MAGI2: variants seen among roughly 807,000 people sequenced by gnomAD.
MAGI2 encodes membrane associated guanylate kinase, WW and PDZ domain containing 2, also known as membrane-associated guanylate kinase, WW and PDZ domain-containing protein 2.
In MAGI2, 35 loss-of-function variants were observed where a neutral mutation model predicts 133.3. That is an observed-to-expected ratio of 0.26 (90% CI 0.20 to 0.35). MAGI2 has a LOEUF of 0.35. Ranked by LOEUF, MAGI2 falls within the 10% of genes least tolerant of loss-of-function variation. The pLI is 1.00. For missense variants in MAGI2, 1,636 were observed against 1,863.4 expected (o/e 0.88, Z 2.25); for synonymous variants, 729 against 710.6 (o/e 1.03, Z -0.41).
rs781523898 is a variant in MAGI2 at position 78,132,938 on chromosome 7, C to G, written c.3154G>C (p.Ala1052Pro). ...AGTGGTTGAGGTGGTGCTGGCTGGG[C>G]GATGGGGCTGTTGGGGGTGGCTGGG... ...PSPATPNSPI[A>P]QPAPPQPLQL... Residue 1052 changes from alanine to proline, a missense_variant, in exon 18 of 22, where the codon GCC (alanine) becomes CCC (proline). Physicochemically the swap from Ala to Pro is conservative, Grantham distance 27. Transcript: ENST00000354212. The G allele has an allele frequency of 6.2e-7, 1 of 1,613,696 alleles. No individual in the cohort carries two copies. The highest frequency in any genetic ancestry group is 8.5e-7 in the Non-Finnish European group (1 of 1,179,868).
intron 3 of MAGI2, among the ~76,000 whole-genome samples, chr7:78,556,249 G>A (rs943218388): frequency 6.6e-6 from 1 of 152,130 alleles, no homozygotes; most frequent in Non-Finnish European, 1.5e-5. Context: ...GTCAACTTAT[G>A]GTTAGGGGCA....
intron 2 of MAGI2, among the ~76,000 whole-genome samples, chr7:78,864,249 G>C (rs1330464038): frequency 6.6e-6 from 1 of 152,148 alleles, no homozygotes; most frequent in Non-Finnish European, 1.5e-5. Context: ...AGGTGCCTGA[G>C]GGAATATCTA....
intron 7 of MAGI2, among the ~76,000 whole-genome samples, chr7:78,360,760 A>AAAGCC (rs1361189978): frequency 6.6e-6 from 1 of 152,182 alleles, no homozygotes. Flanking sequence ...TCCAGCTCCA[A>AAAGCC]AAGTTGTCTG....
chr7:78,500,856 G>A (rs913884234), intron 5 of MAGI2, among the ~76,000 whole-genome samples: 1 of 152,180 alleles, frequency 6.6e-6, no homozygotes, highest in Non-Finnish European at 1.5e-5. Flanking sequence ...TGTGAGGCCA[G>A]TGTGGGCAAT....
intron 2 of MAGI2, among the ~76,000 whole-genome samples, chr7:78,930,475 C>A (rs1186284150): frequency 6.6e-6 from 1 of 152,030 alleles, no homozygotes; most frequent in African/African-American, 2.4e-5. Context: ...TCATGAAGAT[C>A]TCTCAGAAAC....
chr7:78,580,520 A>C (rs1309180640), intron 3 of MAGI2, among the ~76,000 whole-genome samples: 3 of 152,234 alleles, frequency 2.0e-5, no homozygotes, highest in Non-Finnish European at 4.4e-5. Context: ...ATGATACCTC[A>C]TCCCAATTGG....
chr7:78,889,562 G>C (rs575576503), intron 2 of MAGI2, among the ~76,000 whole-genome samples: 13 of 152,254 alleles, frequency 8.5e-5, no homozygotes, highest in Admixed American at 3.3e-4. Context: ...GAAGACAGTG[G>C]GGACCAATAT....
At chr7:79,434,640 T>G (rs1238474940) in intron 1 of MAGI2, among the ~76,000 whole-genome samples, 1 of 152,172 alleles carries the variant, frequency 6.6e-6, no homozygotes, top group East Asian at 1.9e-4. Flanking sequence ...ATTATACCAA[T>G]TGTTTCAAAG....
At chr7:78,490,401 C>A (rs1793491281) in intron 5 of MAGI2, among the ~76,000 whole-genome samples, 1 of 151,984 alleles carries the variant, frequency 6.6e-6, no homozygotes, top group Non-Finnish European at 1.5e-5. Flanking sequence ...ATACTTTCAA[C>A]CCAGCTCAGA....
At chr7:78,314,012 C>T (rs1289593578) in intron 9 of MAGI2, among the ~76,000 whole-genome samples, 2 of 152,074 alleles carry the variant, frequency 1.3e-5, no homozygotes, top group Admixed American at 1.3e-4. Context: ...CTTTGAAAGA[C>T]CTCTCATTCT....
chr7:78,760,670 A>G (rs1294606253), intron 2 of MAGI2, among the ~76,000 whole-genome samples: 1 of 152,182 alleles, frequency 6.6e-6, no homozygotes, highest in Non-Finnish European at 1.5e-5. Context: ...AGAAGAAGAA[A>G]GAGATTATGT....
intron 2 of MAGI2, among the ~76,000 whole-genome samples, chr7:78,981,746 T>A (rs2116187119): frequency 6.6e-6 from 1 of 152,042 alleles, no homozygotes; most frequent in East Asian, 1.9e-4. Context: ...AAATTGTGTA[T>A]TTGTTTCTAC....
intron 1 of MAGI2, among the ~76,000 whole-genome samples, chr7:79,211,047 C>T (rs1829454263): frequency 6.6e-6 from 1 of 151,968 alleles, no homozygotes; most frequent in South Asian, 2.1e-4. Flanking sequence ...GAAGGATTGG[C>T]TAAGTCACTT....
intron 21 of MAGI2, among the ~76,000 whole-genome samples, chr7:78,070,169 AC>A: frequency 1.4e-5 from 1 of 72,838 alleles, no homozygotes; most frequent in Non-Finnish European, 2.5e-5. Flanking sequence ...ATATACACAC[AC>A]ACACATATAT....
rs143677550 is a variant in MAGI2 at position 78,226,985 on chromosome 7, G to C, written c.2048-25792C>G. On this transcript the variant is annotated intron_variant, in intron 10 of 21. Coordinates refer to ENST00000354212, the MANE Select transcript of MAGI2 (RefSeq NM_012301.4). ...GGGTTTTAAAATCAGATTTTAGTTTGATTATAGATATTTTGTGGGACAGCA... is the reference window on the plus strand; with the variant it reads ...GGGTTTTAAAATCAGATTTTAGTTTCATTATAGATATTTTGTGGGACAGCA... Among the ~76,000 whole-genome samples the C allele has an allele frequency of 8.4e-4, 128 of 152,306 alleles. 1 individual carries two copies. Among genetic ancestry groups the C allele is most frequent in the Middle Eastern group, 3.4e-3 (1 of 294 alleles).
At chr7:78,338,884 T>C (rs1790052796) in intron 9 of MAGI2, among the ~76,000 whole-genome samples, 2 of 152,200 alleles carry the variant, frequency 1.3e-5, no homozygotes, top group South Asian at 2.1e-4. Flanking sequence ...TGCATGCCTG[T>C]AGTCCTAGCT....
chr7:79,098,277 G>T (rs1453703273), intron 1 of MAGI2, among the ~76,000 whole-genome samples: 1 of 152,128 alleles, frequency 6.6e-6, no homozygotes, highest in Non-Finnish European at 1.5e-5. Flanking sequence ...AGTTTTCCTG[G>T]TATCTTAGTG....
At chr7:78,215,671 C>A (rs1236598655) in intron 10 of MAGI2, among the ~76,000 whole-genome samples, 1 of 152,092 alleles carries the variant, frequency 6.6e-6, no homozygotes, top group Admixed American at 6.5e-5. Context: ...ACGGCCTCAG[C>A]AGGAAATCAT....
intron 2 of MAGI2, among the ~76,000 whole-genome samples, chr7:78,749,880 C>T (rs1285178453): frequency 6.6e-6 from 1 of 152,022 alleles, no homozygotes; most frequent in African/African-American, 2.4e-5. Flanking sequence ...TTAAGAAATA[C>T]ATATTGAGAA....
Sources: allele counts gnomAD v4.1 joint callset (sites outside exome capture counted in the v4.1 genomes callset), GRCh38; gene constraint gnomAD v4.1.1; transcripts MANE v1.5; gene names NCBI Gene and HGNC (gene_info 2026-07-23, HGNC 2026-07-21).